Variants in SPTLC2 observed in about 807,000 individuals in gnomAD.
SPTLC2 encodes the protein serine palmitoyltransferase 2.
SPTLC2 carries 21 observed loss-of-function variants against 62.0 expected under a neutral mutation model. The ratio of observed to expected loss-of-function variants is 0.34; its 90% CI spans 0.24 to 0.49. The LOEUF is 0.49. Ranked by LOEUF, SPTLC2 falls within the 20% of genes least tolerant of loss-of-function variation. SPTLC2 has a pLI of 0.99. For missense variants in SPTLC2, 511 were observed against 713.0 expected (o/e 0.72, Z 3.23); for synonymous variants, 261 against 261.8 (o/e 1.00, Z 0.03).
rs371341277 is a variant in SPTLC2, at chr14:77,518,017, A to G, written c.1569+21T>C. On this transcript the variant is annotated intron_variant, in intron 11 of 11. Coordinates refer to ENST00000216484, the MANE Select transcript of SPTLC2 (RefSeq NM_004863.4). ...TTTTAATAAAAGGCATATTTATATC[A>G]AGGTGAAAGTGCCTACTTACAGTAT... 374 of 1,614,136 alleles carry G rather than the reference A, an allele frequency of 2.3e-4. 2 individuals are homozygous for G. The South Asian group carries it at 3.7e-3, about 16-fold the overall frequency.
At chr14:77,548,089 C>T (rs1292297341) in intron 9 of SPTLC2, among the ~76,000 whole-genome samples, 2 of 152,064 alleles carry the variant, frequency 1.3e-5, no homozygotes, top group African/African-American at 2.4e-5. Flanking sequence ...GACCCAGTTC[C>T]TTTCAAAACA....
rs377193750 is a variant in SPTLC2, at chr14:77,551,158, C to T, written c.1303+938G>A. Among the ~76,000 whole-genome samples, 159 of 152,084 alleles carry T rather than the reference C, an allele frequency of 1.0e-3. 1 individual carries two copies. Among genetic ancestry groups the T allele is most frequent in the Middle Eastern group, 6.8e-3 (2 of 294 alleles). On this transcript the variant is annotated intron_variant, in intron 9 of 11. Transcript: ENST00000216484. The stretch of plus-strand genomic sequence containing the variant: ...CCTGTAATCCCAGCACTTTGGGAGC[C>T]CGAGGAGGGCGGATCACGAGGTCAG...
intron 9 of SPTLC2, among the ~76,000 whole-genome samples, chr14:77,546,132 C>T (rs144234577): frequency 1.3e-3 from 205 of 152,336 alleles, no homozygotes; most frequent in African/African-American, 4.8e-3. Context: ...TATCATCATG[C>T]AACCTCAGAA....
intron 1 of SPTLC2, among the ~76,000 whole-genome samples, chr14:77,611,752 G>A (rs2079939158): frequency 6.6e-6 from 1 of 151,934 alleles, no homozygotes; most frequent in African/African-American, 2.4e-5. Flanking sequence ...CTTGAACCCG[G>A]GAGGTGGAGG....
intron 5 of SPTLC2, among the ~76,000 whole-genome samples, chr14:77,569,077 A>G (rs1225727150): frequency 6.6e-6 from 1 of 151,528 alleles, no homozygotes; most frequent in Non-Finnish European, 1.5e-5. Context: ...ATTTAAAATT[A>G]TAACCTCTTG....
chr14:77,513,895 C>CAA (rs35769140), intron 11 of SPTLC2, among the ~76,000 whole-genome samples: 36,699 of 105,998 alleles, frequency 0.35, 7,683 homozygotes, highest in East Asian at 0.66. Flanking sequence ...AACTCTGTCT[C>CAA]AAAAAAAAAA....
chr14:77,614,111 A>G (rs1437502646), intron 1 of SPTLC2, among the ~76,000 whole-genome samples: 2 of 152,204 alleles, frequency 1.3e-5, no homozygotes, highest in Non-Finnish European at 2.9e-5. Context: ...TTTACAAAAC[A>G]TGTCCCCAAA....
rs866601265 is a variant in SPTLC2 at position 77,509,880 on chromosome 14, A to G, written c.*2404T>C. The stretch of plus-strand genomic sequence containing the variant: ...TATCTTGAAATAACTTTGTACCAAC[A>G]AAGTGATATAGATATATTTTAAATG... On this transcript the variant is annotated 3_prime_UTR_variant, in exon 12 of 12. Transcript: ENST00000216484. The G allele has an allele frequency of 5.0e-6, 2 of 398,364 alleles. No individual in the cohort carries two copies. The highest frequency in any genetic ancestry group is 4.4e-6 in the Non-Finnish European group (1 of 225,990). 24.7% of individuals were successfully genotyped at this position (398,364 alleles called of 1,614,324 possible).
At chr14:77,613,570 C>T (rs1271310216) in intron 1 of SPTLC2, among the ~76,000 whole-genome samples, 1 of 152,206 alleles carries the variant, frequency 6.6e-6, no homozygotes, top group Non-Finnish European at 1.5e-5. Flanking sequence ...TTTTACTATA[C>T]ACATTCATTC....
rs1555373703 is a variant in SPTLC2 at position 77,529,620 on chromosome 14, C to CTTTCTTTTTTTT, written c.1304-8040_1304-8039insAAAAAAAAGAAA. Among the ~76,000 whole-genome samples the CTTTCTTTTTTTT allele has an allele frequency of 4.6e-4, 35 of 76,062 alleles. 3 individuals are homozygous for CTTTCTTTTTTTT. Among genetic ancestry groups the CTTTCTTTTTTTT allele is most frequent in the South Asian group, 2.3e-3 (4 of 1,722 alleles). 49.9% of individuals were successfully genotyped at this position (76,062 alleles called of 152,430 possible). On this transcript the variant is annotated intron_variant, in intron 9 of 11. Coordinates refer to ENST00000216484, the MANE Select transcript of SPTLC2 (RefSeq NM_004863.4). The stretch of plus-strand genomic sequence containing the variant: ...TTCTAGGAAAGCAATTTCTTTCTTT[C>CTTTCTTTTTTTT]TTTTTTTTTTTTTTTTTTTTTTGAG...
chr14:77,533,300 C>CA (rs35192294), intron 9 of SPTLC2, among the ~76,000 whole-genome samples: 1,160 of 98,224 alleles, frequency 0.012, 17 homozygotes, highest in African/African-American at 0.027. Context: ...AACTCCGTTG[C>CA]AAAAAAAAAA....
At chr14:77,612,860 G>C (rs1252790113) in intron 1 of SPTLC2, among the ~76,000 whole-genome samples, 1 of 152,148 alleles carries the variant, frequency 6.6e-6, no homozygotes, top group Non-Finnish European at 1.5e-5. Flanking sequence ...GTAAGCCAGA[G>C]AGCTCTCATC....
At chr14:77,605,856 CA>C (rs375918203) in intron 1 of SPTLC2, among the ~76,000 whole-genome samples, 89 of 152,336 alleles carry the variant, frequency 5.8e-4, no homozygotes, top group African/African-American at 2.0e-3. Flanking sequence ...CTGTAACAAA[CA>C]TACAACGGAT....
chr14:77,534,837 CA>C (rs1284191093), intron 9 of SPTLC2, among the ~76,000 whole-genome samples: 1 of 152,170 alleles, frequency 6.6e-6, no homozygotes, highest in Non-Finnish European at 1.5e-5. Flanking sequence ...TGCCTTTATG[CA>C]GCTTACATTC....
chr14:77,576,959 A>C, intron 3 of SPTLC2, 44 bp from the exon 4 acceptor site: 1 of 1,609,826 alleles, frequency 6.2e-7, no homozygotes, highest in Non-Finnish European at 8.5e-7. Flanking sequence ...TGAGCAAAAA[A>C]GTACTTACAT....
intron 2 of SPTLC2, 129 bp from the exon 3 acceptor site, chr14:77,579,238 T>C (rs1250123751): frequency 1.7e-5 from 15 of 893,788 alleles, no homozygotes; most frequent in East Asian, 2.7e-5. Flanking sequence ...ACGTGCAAGA[T>C]TGTGTAATGG....
rs67906677 is a variant in SPTLC2, at chr14:77,556,728, ATTTGT to A, written c.956+308_956+312del. ...ATTTATTAAAATTAAATGGTGTGTA[ATTTGT>A]TTTGACATATTAAAATATATATTCC... is the stretch of plus-strand genomic sequence containing the variant. On this transcript the variant is annotated intron_variant, in intron 7 of 11. Coordinates refer to ENST00000216484, the MANE Select transcript of SPTLC2 (RefSeq NM_004863.4). Among the ~76,000 whole-genome samples the A allele has an allele frequency of 0.38, 58,386 of 151,784 alleles. 13,214 individuals carry two copies. Among genetic ancestry groups the A allele is most frequent in the East Asian group, 0.87 (4,440 of 5,130 alleles).
At chr14:77,583,850 A>C (rs1417751895) in intron 2 of SPTLC2, among the ~76,000 whole-genome samples, 1 of 152,224 alleles carries the variant, frequency 6.6e-6, no homozygotes, top group Non-Finnish European at 1.5e-5. Context: ...CTAACTGATA[A>C]GGGAGTGACA....
intron 2 of SPTLC2, among the ~76,000 whole-genome samples, chr14:77,585,524 T>C (rs1014152393): frequency 2.0e-5 from 3 of 152,146 alleles, no homozygotes; most frequent in Admixed American, 2.0e-4. Flanking sequence ...ACATGAGCAT[T>C]TGAGGCAAAC....
Sources: allele counts gnomAD v4.1 joint callset (sites outside exome capture counted in the v4.1 genomes callset), GRCh38; gene constraint gnomAD v4.1.1; transcripts MANE v1.5; gene names NCBI Gene and HGNC (gene_info 2026-07-23, HGNC 2026-07-21).